RNF130: variants seen among roughly 807,000 people sequenced by gnomAD.
RNF130 encodes ring finger protein 130.
Under a neutral mutation model 44.6 loss-of-function variants are expected in RNF130, and 21 were observed. The observed-to-expected ratio is 0.47, with a 90% CI of 0.33 to 0.68. RNF130 has a LOEUF of 0.68. RNF130 is among the 30% of genes least tolerant of loss of function. RNF130 has a pLI of 0.02. For synonymous variants in RNF130, 214 were observed against 210.4 expected (o/e 1.02, Z -0.15); for missense variants, 479 against 560.6 (o/e 0.85, Z 1.47).
intron 2 of RNF130, among the ~76,000 whole-genome samples, chr5:180,031,403 C>T (rs1421774899): frequency 6.6e-6 from 1 of 152,150 alleles, no homozygotes; most frequent in Non-Finnish European, 1.5e-5. Context: ...AGGAGAATTG[C>T]TTGAACCCAG....
chr5:179,945,418 T>C (rs1762022702), intron 7 of RNF130, among the ~76,000 whole-genome samples: 1 of 152,202 alleles, frequency 6.6e-6, no homozygotes, highest in African/African-American at 2.4e-5. Context: ...AAAAGGGCTC[T>C]GATGAGCAGT....
intron 7 of RNF130, among the ~76,000 whole-genome samples, chr5:179,939,172 G>A (rs1324294978): frequency 2.6e-5 from 4 of 152,036 alleles, no homozygotes; most frequent in East Asian, 1.9e-4. Context: ...AGCTGAGGTC[G>A]CGCCACTGCA....
intron 7 of RNF130, among the ~76,000 whole-genome samples, chr5:179,938,950 G>A (rs1035591765): frequency 2.0e-5 from 3 of 152,100 alleles, no homozygotes; most frequent in Admixed American, 6.6e-5. Context: ...TACACAGGCC[G>A]GGCACAGCAG....
chr5:179,981,104 G>A (rs1762826932), intron 3 of RNF130, among the ~76,000 whole-genome samples: 1 of 152,140 alleles, frequency 6.6e-6, no homozygotes, highest in African/African-American at 2.4e-5. Flanking sequence ...AGGGGGTTCC[G>A]GGTGTAGGGG....
intron 3 of RNF130, among the ~76,000 whole-genome samples, chr5:179,996,901 T>G (rs1334480734): frequency 6.6e-6 from 1 of 152,214 alleles, no homozygotes; most frequent in African/African-American, 2.4e-5. Context: ...TTAGCTCTTC[T>G]TTAAATGTTT....
intron 2 of RNF130, among the ~76,000 whole-genome samples, chr5:180,022,688 C>T (rs981002413): frequency 6.6e-6 from 1 of 151,944 alleles, no homozygotes; most frequent in African/African-American, 2.4e-5. Context: ...ACTTAAGCCA[C>T]GTCTCCACTT....
At chr5:179,961,720 G>A (rs536535642) in intron 8 of RNF130, among the ~76,000 whole-genome samples, 54 of 152,264 alleles carry the variant, frequency 3.5e-4, no homozygotes, top group South Asian at 2.9e-3. Context: ...CAAAAGAGGT[G>A]GCTGTGGGTG....
chr5:180,060,977 G>A (rs1764971277), intron 1 of RNF130, among the ~76,000 whole-genome samples: 1 of 145,686 alleles, frequency 6.9e-6, no homozygotes, highest in African/African-American at 2.6e-5. Flanking sequence ...GCTGAGGCAG[G>A]AGAATGGCGT....
At chr5:179,974,096 T>G (rs79017176) in intron 5 of RNF130, among the ~76,000 whole-genome samples, 1 of 152,154 alleles carries the variant, frequency 6.6e-6, no homozygotes, top group Admixed American at 6.5e-5. Flanking sequence ...TGGTGCCATG[T>G]AAGAACCTGG....
At chr5:179,937,933 T>TGTGAGAGAGAGAGAGA (rs1268947878) in intron 7 of RNF130, among the ~76,000 whole-genome samples, 3 of 116,294 alleles carry the variant, frequency 2.6e-5, no homozygotes, top group African/African-American at 1.0e-4. Context: ...TGTGTGTGTG[T>TGTGAGAGAGAGAGAGA]GAGAGAGAGA....
rs116012384 is a variant in RNF130 at position 179,986,754 on chromosome 5, T to G, written c.694-6554A>C. On this transcript the variant is annotated intron_variant, in intron 3 of 8. Coordinates refer to ENST00000521389, the MANE Select transcript of RNF130 (RefSeq NM_018434.6). ...CTTTTTACAATGGATTTTTGTATAT[T>G]TTATGATAGTAAATGATCAAATAGA... 3.2e-3 allele frequency among the ~76,000 whole-genome samples: 487 copies of G among 152,358 alleles called. 4 individuals are homozygous for G. Among genetic ancestry groups the G allele is most frequent in the African/African-American group, 0.011 (456 of 41,578 alleles).
chr5:179,933,615 G>A (rs1023083681), intron 7 of RNF130, among the ~76,000 whole-genome samples: 4 of 150,360 alleles, frequency 2.7e-5, no homozygotes, highest in Non-Finnish European at 5.9e-5. Flanking sequence ...TTGACTTCCC[G>A]GGCTCAGGTG....
Position 179,919,513 on chromosome 5 carries a change from C to T in RNF130, c.*804G>A, listed in dbSNP as rs1761597179. On this transcript the variant is annotated 3_prime_UTR_variant, in exon 8 of 8. Transcript: ENST00000522208. ...CACTGTGCCCAGAGACACTGCTGGGCTGGGCTCCCAGGTGCCACCTCCCTA... is the reference window on the plus strand; with the variant it reads ...CACTGTGCCCAGAGACACTGCTGGGTTGGGCTCCCAGGTGCCACCTCCCTA... 1.3e-5 allele frequency: 2 copies of T among 152,490 alleles called. 1 individual carries two copies. The highest frequency in any genetic ancestry group is 1.3e-4 in the Admixed American group (2 of 15,278). 9.4% of individuals were successfully genotyped at this position (152,490 alleles called of 1,614,324 possible). A position where few individuals can be genotyped will look rare whatever the true frequency, so the allele number is the denominator to read the frequency against.
chr5:179,966,727 T>A (rs1463376403), intron 7 of RNF130, 79 bp downstream of exon 7: 9 of 1,273,206 alleles, frequency 7.1e-6, no homozygotes, highest in African/African-American at 3.0e-5. Flanking sequence ...CTGAGGCGAG[T>A]GCCTTGACTC....
intron 1 of RNF130, among the ~76,000 whole-genome samples, chr5:180,044,342 C>T (rs1764504953): frequency 6.6e-6 from 1 of 152,044 alleles, no homozygotes; most frequent in Non-Finnish European, 1.5e-5. Flanking sequence ...TACTACAGAA[C>T]TTAATTTTTT....
chr5:179,965,464 A>G (rs1582146299), intron 7 of RNF130, among the ~76,000 whole-genome samples: 1 of 152,232 alleles, frequency 6.6e-6, no homozygotes, highest in Non-Finnish European at 1.5e-5. Flanking sequence ...TCATCAAAGT[A>G]TAAGATTTTG....
exon 8 of RNF130, chr5:179,915,553 C>T (rs547394216): frequency 6.6e-6 from 1 of 152,414 alleles, no homozygotes; most frequent in East Asian, 1.9e-4. Context: ...CCTGGAAGCC[C>T]AGGCTTCTGC....
intron 3 of RNF130, among the ~76,000 whole-genome samples, chr5:179,989,053 C>T (rs1763017646): frequency 6.6e-6 from 1 of 152,168 alleles, no homozygotes; most frequent in African/African-American, 2.4e-5. Context: ...TTAATCAACT[C>T]AGTTCCGCAT....
At chr5:179,980,504 T>C (rs1762809209) in intron 3 of RNF130, 2 of 334,234 alleles carry the variant, frequency 6.0e-6, no homozygotes, top group South Asian at 3.0e-5. Flanking sequence ...GAATAAACAT[T>C]TGAAACATCA....
Sources: gnomAD v4.1 joint callset for allele counts (sites outside exome capture counted in the v4.1 genomes callset) on GRCh38, gnomAD v4.1.1 for gene constraint, MANE v1.5 for transcripts, NCBI Gene and HGNC (gene_info 2026-07-23, HGNC 2026-07-21) for gene names.